Variants in STT3A observed in about 807,000 individuals in gnomAD.
STT3A encodes the protein dolichyl-diphosphooligosaccharide--protein glycosyltransferase subunit STT3A.
Under a neutral mutation model 89.2 loss-of-function variants are expected in STT3A, and 34 were observed. The ratio of observed to expected loss-of-function variants is 0.38; its 90% CI spans 0.29 to 0.51. The LOEUF (loss-of-function observed/expected upper bound fraction) is 0.51, where lower values mean the gene tolerates loss of function less well. Ranked by LOEUF, STT3A falls within the 20% of genes least tolerant of loss-of-function variation. The probability of loss-of-function intolerance (pLI) is 0.89; values close to 1 mark genes in which losing one functional copy is unlikely to be tolerated. For missense variants in STT3A, 555 were observed against 889.5 expected (o/e 0.62, Z 4.78); for synonymous variants, 282 against 310.3 (o/e 0.91, Z 0.96).
rs1382914261 is a variant in STT3A at position 125,608,143 on chromosome 11, G to C, written c.815G>C (p.Gly272Ala). ...VLSSEHMAAF[G>A]VFGLCQIHAF... ...TCATCAGAGCACATGGCAGCCTTTG[G>C]GGTCTTTGGTCTCTGCCAGATCCAT... Residue 272 changes from glycine to alanine, a missense_variant, in exon 9 of 18, where the codon GGG (glycine) becomes GCG (alanine). Transcript: ENST00000392708. 2 of 1,612,998 alleles carry C rather than the reference G, an allele frequency of 1.2e-6. No homozygotes were observed. The highest frequency in any genetic ancestry group is 1.7e-6 in the Non-Finnish European group (2 of 1,179,686).
rs1268363563 is a variant in STT3A, at chr11:125,613,481, A to C, written c.1554+304A>C. 1.3e-5 allele frequency among the ~76,000 whole-genome samples: 2 copies of C among 152,220 alleles called. No individual in the cohort carries two copies. The highest frequency in any genetic ancestry group is 2.9e-5 in the Non-Finnish European group (2 of 68,028). On this transcript the variant is annotated intron_variant, in intron 13 of 17. Transcript: ENST00000392708. The surrounding 1 kb of genome is among the most constrained non-coding windows in gnomAD (Gnocchi z 4.2). ...AGTTATAGATAAATAATACATGTTCACTTTAGAAAAATCAGAAAATTGAAT... is the reference window on the plus strand; with the variant it reads ...AGTTATAGATAAATAATACATGTTCCCTTTAGAAAAATCAGAAAATTGAAT...
In STT3A at chr11:125,609,568, C is replaced by T; in HGVS notation, c.1096C>T (p.Leu366Phe). The T allele has an allele frequency of 1.2e-6, 2 of 1,613,172 alleles. No homozygotes were observed. The highest frequency in any genetic ancestry group is 1.7e-6 in the Non-Finnish European group (2 of 1,179,820). The change falls in exon 10 of 18, where the codon CTC (leucine) becomes TTC (phenylalanine). Residue 366 changes from leucine (L) to phenylalanine (F), a missense_variant. Leu to Phe is a conservative substitution (Grantham distance 22). Transcript: ENST00000392708. ...GTCCTCATACTATTTTGACCTGCAG[C>T]TCCTCGTCTTCATGTTTCCAGGTAT... Reference protein sequence around the residue: ...TWSSYYFDLQLLVFMFPVGLY... With the variant: ...TWSSYYFDLQFLVFMFPVGLY...
intron 1 of STT3A, chr11:125,593,841 T>G (rs2135895348): frequency 6.9e-6 from 1 of 145,942 alleles, no homozygotes; most frequent in South Asian, 2.4e-4. Flanking sequence ...TCTATATGCC[T>G]TCCACCTAGT....
chr11:125,606,343 C>G lies in STT3A; in HGVS notation c.658C>G (p.Pro220Ala). 9 of 1,614,118 alleles carry G rather than the reference C, an allele frequency of 5.6e-6. No individual in the cohort carries two copies. The highest frequency in any genetic ancestry group is 7.6e-6 in the Non-Finnish European group (9 of 1,180,032). The change falls in exon 8 of 18, where the codon CCT becomes GCT. Residue 220 changes from proline (P) to alanine (A), a missense_variant. By Grantham distance (27) the Pro-to-Ala change is conservative. Coordinates refer to ENST00000392708, the MANE Select transcript of STT3A (RefSeq NM_152713.5). ...GGYVFLINLI[P>A]LHVLVLMLTG... Reference sequence around the variant, plus strand: ...TTATGTGTTCCTGATCAACTTAATTCCTCTCCACGTCCTCGTGCTGATGCT... The same window carrying G: ...TTATGTGTTCCTGATCAACTTAATTGCTCTCCACGTCCTCGTGCTGATGCT...
At chr11:125,596,137 A>T (rs910623277) in intron 2 of STT3A, 134 bp downstream of exon 2, 6 of 728,958 alleles carry the variant, frequency 8.2e-6, no homozygotes, top group Non-Finnish European at 1.4e-5. Flanking sequence ...TCATTAGTAT[A>T]ATTTTATGAA....
At chr11:125,592,464 G>A (rs924338448), upstream of STT3A, 8 of 456,124 alleles carry the variant, frequency 1.8e-5, no homozygotes, top group African/African-American at 8.0e-5. Flanking sequence ...GAGTTACTGG[G>A]ACTTGGAGCA....
intron 1 of STT3A, chr11:125,593,497 A>T (rs982653413): frequency 2.0e-5 from 3 of 152,210 alleles, no homozygotes; most frequent in African/African-American, 4.8e-5. Flanking sequence ...GTGACCAAAG[A>T]GCACGAGATG....
Position 125,608,468 on chromosome 11 carries a change from C to T in STT3A, c.961+179C>T, listed in dbSNP as rs142784330. ...TAGCTGGGATTACAGGCGCCTGCCA[C>T]CGCGCCCGCCACCACGCCCAGCCAA... On this transcript the variant is annotated intron_variant, in intron 9 of 17. Transcript: ENST00000392708. 533 of 522,702 alleles carry T rather than the reference C, an allele frequency of 1.0e-3. 3 individuals carry two copies. Among genetic ancestry groups the T allele is most frequent in the African/African-American group, 9.0e-3 (455 of 50,412 alleles). 32.4% of individuals were successfully genotyped at this position (522,702 alleles called of 1,614,324 possible). A position where few individuals can be genotyped will look rare whatever the true frequency, so the allele number is the denominator to read the frequency against.
chr11:125,598,776 T>C (rs1161506951), intron 3 of STT3A, among the ~76,000 whole-genome samples: 3 of 152,124 alleles, frequency 2.0e-5, no homozygotes, highest in African/African-American at 7.2e-5. Context: ...AGCTAATTTT[T>C]TAAAAATTTT....
upstream of STT3A, chr11:125,592,427 G>C (rs1939326597): frequency 2.2e-6 from 1 of 456,282 alleles, no homozygotes; most frequent in Admixed American, 2.3e-5. Flanking sequence ...CCTTAAAAAA[G>C]ACGGGAGACG....
chr11:125,604,370 C>A, intron 6 of STT3A, 123 bp downstream of exon 6: 1 of 907,986 alleles, frequency 1.1e-6, no homozygotes, highest in Non-Finnish European at 1.7e-6. Context: ...TAGAAATGGG[C>A]AGGAACGGAT....
chr11:125,615,092 A>G (rs1055487987), intron 15 of STT3A, among the ~76,000 whole-genome samples: 46 of 152,080 alleles, frequency 3.0e-4, no homozygotes, highest in African/African-American at 9.7e-4. Context: ...CCTGGGCAAC[A>G]TAGTGAAACC....
intron 3 of STT3A, among the ~76,000 whole-genome samples, chr11:125,598,229 A>G (rs1180719986): frequency 2.0e-5 from 3 of 151,982 alleles, no homozygotes; most frequent in African/African-American, 4.8e-5. Flanking sequence ...AAAGAAAAAG[A>G]AAAAAGAAAT....
chr11:125,604,322 G>A, intron 6 of STT3A, 75 bp downstream of exon 6: 3 of 1,445,314 alleles, frequency 2.1e-6, no homozygotes, highest in Non-Finnish European at 1.9e-6. Flanking sequence ...GCAGTCTATG[G>A]TTTAGCAATA....
rs1940247736 is a variant in STT3A at position 125,618,572 on chromosome 11, CAT to C, written c.1963+13_1963+14del. ...TTTACACAGAAGCCAGTGAGTGACT[CAT>C]AATAATATTAATAACAGTAGTAATA... is the stretch of plus-strand genomic sequence containing the variant. On this transcript the variant is annotated intron_variant, in intron 16 of 17. Transcript: ENST00000392708. 3 of 1,606,758 alleles carry C rather than the reference CAT, an allele frequency of 1.9e-6. No homozygotes were observed. The highest frequency in any genetic ancestry group is 2.5e-6 in the Non-Finnish European group (3 of 1,177,486).
intron 9 of STT3A, among the ~76,000 whole-genome samples, chr11:125,608,739 C>T (rs191704293): frequency 3.9e-5 from 6 of 152,264 alleles, no homozygotes; most frequent in South Asian, 2.1e-4. Flanking sequence ...CTTTTTTCAT[C>T]GGAAGCATGT....
In STT3A at chr11:125,602,795, T is replaced by A; in HGVS notation, c.272-8T>A. ...ACAACCTAATGGAGTTTCTTCTTCC[T>A]GTTACAGGTTTAATGATCACCTCTG... On this transcript the variant is annotated splice_region_variant and splice_polypyrimidine_tract_variant and intron_variant, in intron 4 of 17. Coordinates refer to ENST00000392708, the MANE Select transcript of STT3A (RefSeq NM_152713.5). 1 of 1,614,194 alleles carries A rather than the reference T, an allele frequency of 6.2e-7. No individual in the cohort carries two copies.
chr11:125,611,733 T>G (rs576869204), intron 11 of STT3A, among the ~76,000 whole-genome samples: 2 of 152,286 alleles, frequency 1.3e-5, no homozygotes, highest in East Asian at 3.9e-4. Context: ...TTCGTAACTT[T>G]GTATTATAGA....
Position 125,613,084 on chromosome 11 carries a change from C to T in STT3A, c.1461C>T (p.Ser487=). Residue 487 remains serine, a synonymous_variant, in exon 13 of 18, where the codon TCC becomes TCT. Coordinates refer to ENST00000392708, the MANE Select transcript of STT3A (RefSeq NM_152713.5). This position sits in a 1 kb window ranked among gnomAD's most constrained non-coding sequence, Gnocchi z 4.2. ...WVTSEAYSSP[S]IVLSARGGDG... is the part of the protein sequence containing the mutation. ...CCAGTGAGGCCTACTCTTCTCCGTC[C>T]ATTGTACTATCTGCCCGTGGTGGGG... 1 of 1,614,064 alleles carries T rather than the reference C, an allele frequency of 6.2e-7. No homozygotes were observed. Among genetic ancestry groups the T allele is most frequent in the Non-Finnish European group, 8.5e-7 (1 of 1,179,996 alleles).
Sources: gnomAD v4.1 joint callset for allele counts (sites outside exome capture counted in the v4.1 genomes callset) on GRCh38, gnomAD v4.1.1 for gene constraint, Gnocchi (gnomAD v3.1) non-coding constraint, MANE v1.5 for transcripts, NCBI Gene and HGNC (gene_info 2026-07-23, HGNC 2026-07-21) for gene names.